Variants in PPP2CA observed in about 807,000 individuals in gnomAD.
PPP2CA encodes serine/threonine-protein phosphatase 2A catalytic subunit alpha isoform.
A neutral mutation model predicts 38.8 loss-of-function variants in PPP2CA; 5 were observed. That is an observed-to-expected ratio of 0.13 (90% confidence interval 0.07 to 0.27). The LOEUF (loss-of-function observed/expected upper bound fraction) is 0.27. Among genes scored for constraint, PPP2CA ranks in the 10% least tolerant of loss-of-function variants. The pLI, the probability that PPP2CA is intolerant of heterozygous loss-of-function variation, is 1.00. For synonymous variants in PPP2CA, 152 were observed against 134.0 expected (o/e 1.13, Z -0.93); for missense variants, 88 against 389.7 (o/e 0.23, Z 6.52).
At chr5:134,222,437 C>G (rs867944946) in intron 1 of PPP2CA, among the ~76,000 whole-genome samples, 8 of 152,018 alleles carry the variant, frequency 5.3e-5, no homozygotes, top group African/African-American at 1.9e-4. Context: ...TCCATACTCA[C>G]GTAACAAATG....
Position 134,226,005 on chromosome 5 carries a change from G to T in PPP2CA, c.-144C>A. 3.1e-6 allele frequency: 2 copies of T among 640,412 alleles called. No homozygotes were observed. Among genetic ancestry groups the T allele is most frequent in the Non-Finnish European group, 5.1e-6 (2 of 391,186 alleles). The allele number at this position is 640,412 out of a possible 1,614,324, so 39.7% of individuals were successfully genotyped here. On this transcript the variant is annotated 5_prime_UTR_variant, in exon 1 of 7. Coordinates refer to ENST00000481195, the MANE Select transcript of PPP2CA (RefSeq NM_002715.4). The stretch of plus-strand genomic sequence containing the variant: ...TGGCGCTGGCCCGCTGGCTCTCACC[G>T]CAGTACTCGGCCGTCGGCCGCTGCG...
intron 1 of PPP2CA, among the ~76,000 whole-genome samples, chr5:134,215,570 A>G (rs13166658): frequency 6.7e-6 from 1 of 148,276 alleles, no homozygotes; most frequent in African/African-American, 2.6e-5. Flanking sequence ...GCAAAACTCC[A>G]TCTCAAAAAA....
In PPP2CA at chr5:134,213,883, A is replaced by G. The variant is rs151021552; in HGVS notation, c.103-7752T>C. On this transcript the variant is annotated intron_variant, in intron 1 of 6. Transcript: ENST00000481195. ...AGTGGCTCACGCCTGTAATTCTATC[A>G]CTTTGGGAGCCAAAGCAGGTGGATG... Among the ~76,000 whole-genome samples the G allele has an allele frequency of 1.9e-3, 285 of 152,306 alleles. 1 individual carries two copies. Among genetic ancestry groups the G allele is most frequent in the African/African-American group, 6.2e-3 (256 of 41,554 alleles).
chr5:134,214,047 G>A (rs1357485794), intron 1 of PPP2CA, among the ~76,000 whole-genome samples: 1 of 152,030 alleles, frequency 6.6e-6, no homozygotes, highest in Non-Finnish European at 1.5e-5. Flanking sequence ...GAGAATTATT[G>A]GAACCCAGGA....
At chr5:134,221,044 TAGG>T (rs979406416) in intron 1 of PPP2CA, among the ~76,000 whole-genome samples, 1 of 151,852 alleles carries the variant, frequency 6.6e-6, no homozygotes, top group African/African-American at 2.4e-5. Flanking sequence ...GCTTCCTGCC[TAGG>T]AGACCATGAA....
At chr5:134,222,417 G>GT (rs1762465294) in intron 1 of PPP2CA, among the ~76,000 whole-genome samples, 2 of 152,066 alleles carry the variant, frequency 1.3e-5, no homozygotes, top group Admixed American at 6.6e-5. Context: ...GAAGGAAGCA[G>GT]TTTGTTTTTT....
At chr5:134,200,789 C>T (rs144740961) in intron 4 of PPP2CA, among the ~76,000 whole-genome samples, 196 bp downstream of exon 4, 28 of 152,342 alleles carry the variant, frequency 1.8e-4, no homozygotes, top group African/African-American at 6.7e-4. Context: ...TCCTAATAAG[C>T]CCAGCTTCAC....
intron 2 of PPP2CA, among the ~76,000 whole-genome samples, chr5:134,203,812 C>T (rs1762018989): frequency 6.6e-6 from 1 of 152,126 alleles, no homozygotes; most frequent in South Asian, 2.1e-4. Context: ...AATTCCTAGG[C>T]TCAAGCAATC....
intron 1 of PPP2CA, among the ~76,000 whole-genome samples, chr5:134,208,697 T>C (rs1762136595): frequency 6.6e-6 from 1 of 152,212 alleles, no homozygotes. Flanking sequence ...TGAATAGCTA[T>C]CATTTTCACA....
At chr5:134,200,259 A>G in intron 5 of PPP2CA, 76 bp downstream of exon 5, 1 of 1,440,170 alleles carries the variant, frequency 6.9e-7, no homozygotes, top group Non-Finnish European at 9.3e-7. Flanking sequence ...AAATGTCATT[A>G]ATTTAAAACT....
chr5:134,209,489 T>C (rs1561738786), intron 1 of PPP2CA, among the ~76,000 whole-genome samples: 1 of 152,228 alleles, frequency 6.6e-6, no homozygotes, highest in Non-Finnish European at 1.5e-5. Context: ...AAGATCATTT[T>C]GGGCTGGGTG....
rs142690982 is a variant in PPP2CA at position 134,213,317 on chromosome 5, G to A, written c.103-7186C>T. Reference sequence around the variant, plus strand: ...GAATTATGCTAAATCTACTACGCCTGTGCTCTAGAAATGGAACAACAAAGC... The same window carrying A: ...GAATTATGCTAAATCTACTACGCCTATGCTCTAGAAATGGAACAACAAAGC... On this transcript the variant is annotated intron_variant, in intron 1 of 6. Transcript: ENST00000481195. 1.3e-4 allele frequency among the ~76,000 whole-genome samples: 20 copies of A among 152,088 alleles called. No individual in the cohort carries two copies. The East Asian group carries it at 3.5e-3, about 26-fold the overall frequency.
At position 134,202,077 on chromosome 5, in the gene PPP2CA, A is replaced by G. The variant is rs1338956922; in HGVS notation, c.313-56T>C. The G allele has an allele frequency of 2.7e-5, 41 of 1,498,202 alleles. No homozygotes were observed. The Admixed American group carries it at 9.9e-4, about 36-fold the overall frequency. The allele number at this position is 1,498,202 out of a possible 1,614,324, so 92.8% of individuals were successfully genotyped here. ...CTAGCTCTTTCAAAAACCAATGAAA[A>G]TTCAAGAAACTTTCTATAGAAAAAA... On this transcript the variant is annotated intron_variant, in intron 2 of 6. Transcript: ENST00000481195.
At chr5:134,198,946 G>A (rs2149382591) in intron 6 of PPP2CA, 140 bp downstream of exon 6, 1 of 652,592 alleles carries the variant, frequency 1.5e-6, no homozygotes, top group East Asian at 2.7e-5. Flanking sequence ...CACTCTAGGA[G>A]GCCAAGGTGA....
At chr5:134,224,314 A>T in intron 1 of PPP2CA, 1 of 455,926 alleles carries the variant, frequency 2.2e-6, no homozygotes, top group Non-Finnish European at 4.4e-6. Flanking sequence ...TACCATTAAA[A>T]GGCATCTCCA....
At chr5:134,225,354 G>A (rs569515221) in intron 1 of PPP2CA, 76 of 184,194 alleles carry the variant, frequency 4.1e-4, no homozygotes, top group South Asian at 7.1e-4. Context: ...ACCTAACTAG[G>A]CCTGGGTACC....
intron 1 of PPP2CA, among the ~76,000 whole-genome samples, chr5:134,208,504 C>G (rs1359329949): frequency 2.6e-5 from 4 of 151,676 alleles, no homozygotes; most frequent in Admixed American, 6.6e-5. Flanking sequence ...CAATCCCACC[C>G]CCTTTGGGCA....
chr5:134,225,373 G>A (rs939346071), intron 1 of PPP2CA: 3 of 192,270 alleles, frequency 1.6e-5, no homozygotes, highest in East Asian at 1.6e-4. Flanking sequence ...CCAGCGGCAA[G>A]ACTCTTACTC....
At chr5:134,201,457 A>G (rs929986146) in intron 3 of PPP2CA, among the ~76,000 whole-genome samples, 6 of 152,198 alleles carry the variant, frequency 3.9e-5, no homozygotes, top group African/African-American at 1.2e-4. Context: ...AACTTCTTGG[A>G]TATCACTCCT....
Sources: gnomAD v4.1 joint callset for allele counts (sites outside exome capture counted in the v4.1 genomes callset) on GRCh38, gnomAD v4.1.1 for gene constraint, MANE v1.5 for transcripts, NCBI Gene and HGNC (gene_info 2026-07-23, HGNC 2026-07-21) for gene names.